Variants in CNTN4 observed in about 807,000 individuals in gnomAD.
The protein encoded by CNTN4 is contactin-4.
A neutral mutation model predicts 122.5 loss-of-function variants in CNTN4; 77 were observed. The ratio of observed to expected loss-of-function variants is 0.63; its 90% CI spans 0.52 to 0.76. The LOEUF (loss-of-function observed/expected upper bound fraction) is 0.76, where lower values mean the gene tolerates loss of function less well. Among genes scored for constraint, CNTN4 ranks in the 30% least tolerant of loss-of-function variants. CNTN4 has a pLI of 0.00. For synonymous variants in CNTN4, 512 were observed against 447.0 expected, an observed-to-expected ratio of 1.15 and a Z score of -1.83; for missense variants, 1,256 against 1,259.1, an observed-to-expected ratio of 1.00 and a Z score of 0.04.
At chr3:2,396,347 G>T (rs2046639556) in intron 3 of CNTN4, among the ~76,000 whole-genome samples, 1 of 152,084 alleles carries the variant, frequency 6.6e-6, no homozygotes, top group Non-Finnish European at 1.5e-5. Flanking sequence ...AAGTATGAAG[G>T]ATAATGAGAC....
At chr3:2,479,729 G>A (rs576789744) in intron 3 of CNTN4, among the ~76,000 whole-genome samples, 1 of 152,284 alleles carries the variant, frequency 6.6e-6, no homozygotes, top group Non-Finnish European at 1.5e-5. Flanking sequence ...TGCTTCCGCT[G>A]TTCTTCATGG....
intron 6 of CNTN4, among the ~76,000 whole-genome samples, chr3:2,761,456 G>GTGTGTA: frequency 6.6e-6 from 1 of 152,046 alleles, no homozygotes; most frequent in East Asian, 1.9e-4. Context: ...GTGTGTGTGT[G>GTGTGTA]TGTGTGTGTG....
intron 3 of CNTN4, among the ~76,000 whole-genome samples, chr3:2,394,319 G>C (rs998599713): frequency 2.6e-5 from 4 of 152,162 alleles, no homozygotes; most frequent in African/African-American, 9.7e-5. Flanking sequence ...CTAACTGGGT[G>C]AGAAGATGGA....
intron 13 of CNTN4, among the ~76,000 whole-genome samples, chr3:2,949,308 A>G (rs2094712429): frequency 6.6e-6 from 1 of 152,196 alleles, no homozygotes; most frequent in South Asian, 2.1e-4. Context: ...TGTGATGGAA[A>G]GTTAGCTGAA....
In CNTN4 at chr3:2,385,643, G is replaced by A. The variant is rs954407342; in HGVS notation, c.-89+46410G>A. Among the ~76,000 whole-genome samples the A allele has an allele frequency of 2.0e-5, 3 of 152,020 alleles. No homozygotes were observed. The highest frequency in any genetic ancestry group is 4.4e-5 in the Non-Finnish European group (3 of 68,024). On this transcript the variant is annotated intron_variant, in intron 3 of 24. Transcript: ENST00000418658. This position sits in a 1 kb window ranked among gnomAD's most constrained non-coding sequence, Gnocchi z 4.0. The stretch of plus-strand genomic sequence containing the variant: ...TAGCCCCAGTTGTTCTGCAGCTTGT[G>A]GGAGCATAACTCCAAGCTCATCTCT...
intron 6 of CNTN4, among the ~76,000 whole-genome samples, chr3:2,794,047 G>A (rs1032477555): frequency 3.3e-5 from 5 of 152,076 alleles, no homozygotes; most frequent in East Asian, 1.9e-4. Context: ...AAAGTTTACA[G>A]CATAAGGAAA....
chr3:2,480,909 A>T (rs1363539152), intron 3 of CNTN4, among the ~76,000 whole-genome samples: 3 of 152,226 alleles, frequency 2.0e-5, no homozygotes, highest in Non-Finnish European at 2.9e-5. Flanking sequence ...CAAATAGATC[A>T]GAACAGAGAG....
intron 8 of CNTN4, among the ~76,000 whole-genome samples, chr3:2,871,422 T>C (rs143324297): frequency 0.02 from 3,081 of 152,306 alleles, 47 homozygotes; most frequent in Non-Finnish European, 0.032. Context: ...AGTGGAATAA[T>C]ACTCTCCAAA....
At chr3:2,269,351 G>T (rs1257508592) in intron 2 of CNTN4, among the ~76,000 whole-genome samples, 1 of 152,068 alleles carries the variant, frequency 6.6e-6, no homozygotes, top group Non-Finnish European at 1.5e-5. Context: ...TCTCCTGGAT[G>T]AATTTCCACA....
chr3:2,670,989 T>A (rs564757139), intron 4 of CNTN4, among the ~76,000 whole-genome samples: 46 of 152,346 alleles, frequency 3.0e-4, no homozygotes, highest in African/African-American at 1.1e-3. Context: ...CTTCCCTTTG[T>A]GGGTAACCCG....
At position 2,279,513 on chromosome 3, in the gene CNTN4, C is replaced by T. The variant is rs2041638447; in HGVS notation, c.-144-59665C>T. On this transcript the variant is annotated intron_variant, in intron 2 of 24. Coordinates refer to ENST00000418658, the MANE Select transcript of CNTN4 (RefSeq NM_175607.3). ...ACGTGCGAGACATTCTGTGAAACAG[C>T]AGACCTGGTCTCTTCAACAAGTCAC... is the stretch of plus-strand genomic sequence containing the variant. Among the ~76,000 whole-genome samples, 4 of 152,258 alleles carry T rather than the reference C, an allele frequency of 2.6e-5. No homozygotes were observed. In the South Asian group the frequency reaches 8.3e-4, roughly 32 times the overall value.
intron 7 of CNTN4, among the ~76,000 whole-genome samples, chr3:2,848,917 C>T (rs773024496): frequency 1.1e-4 from 17 of 152,120 alleles, no homozygotes; most frequent in Non-Finnish European, 2.2e-4. Flanking sequence ...TAGCCTCACT[C>T]GTATAGCATC....
At chr3:2,176,227 C>T (rs1254812705) in intron 2 of CNTN4, among the ~76,000 whole-genome samples, 1 of 152,072 alleles carries the variant, frequency 6.6e-6, no homozygotes, top group African/African-American at 2.4e-5. Context: ...TCACAGGAAA[C>T]GAATGAGTAT....
At chr3:2,583,958 G>A (rs1290820771) in intron 4 of CNTN4, among the ~76,000 whole-genome samples, 1 of 152,136 alleles carries the variant, frequency 6.6e-6, no homozygotes, top group Non-Finnish European at 1.5e-5. Flanking sequence ...TACTGCCTTG[G>A]TACAGCCCAC....
At chr3:2,401,523 T>C (rs1262183456) in intron 3 of CNTN4, among the ~76,000 whole-genome samples, 1 of 152,160 alleles carries the variant, frequency 6.6e-6, no homozygotes, top group African/African-American at 2.4e-5. Context: ...ATTTCACAAC[T>C]TAAAGCTTTA....
chr3:2,547,342 CA>C (rs1219076850), intron 3 of CNTN4, among the ~76,000 whole-genome samples: 1 of 151,970 alleles, frequency 6.6e-6, no homozygotes, highest in Non-Finnish European at 1.5e-5. Flanking sequence ...CTGCACACTG[CA>C]ACCTCTGTCC....
At chr3:2,970,874 G>A (rs1039811745) in intron 13 of CNTN4, among the ~76,000 whole-genome samples, 11 of 151,970 alleles carry the variant, frequency 7.2e-5, no homozygotes, top group African/African-American at 1.7e-4. Context: ...TGCAACCTCC[G>A]CCTCCTGGGT....
chr3:3,054,013 T>C, intron 24 of CNTN4, 38 bp downstream of exon 24: 1 of 1,602,688 alleles, frequency 6.2e-7, no homozygotes, highest in Non-Finnish European at 8.5e-7. Flanking sequence ...CTCCTGCCTG[T>C]CTTATCTTAT....
chr3:2,174,626 G>A (rs146578586), intron 2 of CNTN4, among the ~76,000 whole-genome samples: 1 of 152,266 alleles, frequency 6.6e-6, no homozygotes, highest in East Asian at 1.9e-4. Flanking sequence ...TCTCTGATAG[G>A]CCAGTCTTGT....
Sources: gnomAD v4.1 joint callset for allele counts (sites outside exome capture counted in the v4.1 genomes callset) on GRCh38, gnomAD v4.1.1 for gene constraint, Gnocchi (gnomAD v3.1) non-coding constraint, MANE v1.5 for transcripts, NCBI Gene and HGNC (gene_info 2026-07-23, HGNC 2026-07-21) for gene names.